The following SETBP1 variants were observed in gnomAD, a reference collection of about 807,000 sequenced individuals.
SETBP1 encodes SET-binding protein.
In SETBP1, 9 loss-of-function variants were observed where a neutral mutation model predicts 101.0. The ratio of observed to expected loss-of-function variants is 0.09; its 90% CI spans 0.05 to 0.16. SETBP1 has a LOEUF of 0.16. Among genes scored for constraint, SETBP1 ranks in the 10% least tolerant of loss-of-function variants. The probability of loss-of-function intolerance (pLI) is 1.00; values close to 1 mark genes in which losing one functional copy is unlikely to be tolerated. For missense variants in SETBP1, 1,858 were observed against 2,033.8 expected (o/e 0.91, Z 1.66); for synonymous variants, 818 against 788.5 (o/e 1.04, Z -0.63).
Position 44,896,153 on chromosome 18 carries a change from G to T in SETBP1, c.540+26870G>T, listed in dbSNP as rs2069897840. ...TACCCCTGACAGGTGGGCTGAAAGG[G>T]GTGGTATTGGGAGATGATTAGGGGC... On this transcript the variant is annotated intron_variant, in intron 3 of 5. Coordinates refer to ENST00000649279, the MANE Select transcript of SETBP1 (RefSeq NM_015559.3). Among the ~76,000 whole-genome samples the T allele has an allele frequency of 2.0e-5, 3 of 152,224 alleles. 1 individual carries two copies. The South Asian group carries it at 6.2e-4, about 32-fold the overall frequency.
chr18:44,788,615 G>T (rs1465438949), intron 2 of SETBP1, among the ~76,000 whole-genome samples: 3 of 151,990 alleles, frequency 2.0e-5, no homozygotes, highest in Non-Finnish European at 2.9e-5. Context: ...TTATGGTGTT[G>T]TTTATTCTGT....
chr18:44,783,612 G>A (rs1021168520), intron 2 of SETBP1, among the ~76,000 whole-genome samples: 1 of 152,188 alleles, frequency 6.6e-6, no homozygotes, highest in African/African-American at 2.4e-5. Context: ...AAAAACAAAT[G>A]ACAAGGGTAA....
intron 3 of SETBP1, among the ~76,000 whole-genome samples, chr18:44,876,041 A>G (rs2069395424): frequency 6.6e-6 from 1 of 152,180 alleles, no homozygotes; most frequent in Non-Finnish European, 1.5e-5. Context: ...CAATTTCTTT[A>G]TCTGAGTAAT....
chr18:44,762,837 C>A (rs2070686320), intron 2 of SETBP1, among the ~76,000 whole-genome samples: 1 of 152,216 alleles, frequency 6.6e-6, no homozygotes, highest in South Asian at 2.1e-4. Context: ...CAACTATTGA[C>A]TTGCTTTTAG....
At chr18:44,928,459 A>T (rs986573571) in intron 3 of SETBP1, among the ~76,000 whole-genome samples, 5 of 152,292 alleles carry the variant, frequency 3.3e-5, no homozygotes, top group African/African-American at 1.2e-4. Context: ...ATGGGATGGC[A>T]AGGTCAAATG....
At chr18:44,777,286 A>G (rs1200566444) in intron 2 of SETBP1, among the ~76,000 whole-genome samples, 1 of 152,130 alleles carries the variant, frequency 6.6e-6, no homozygotes, top group African/African-American at 2.4e-5. Context: ...ACTCCATCTC[A>G]AAAAAATAAA....
intron 1 of SETBP1, among the ~76,000 whole-genome samples, chr18:44,699,910 C>T (rs1336893568): frequency 6.6e-6 from 1 of 152,170 alleles, no homozygotes; most frequent in Non-Finnish European, 1.5e-5. Context: ...TATGTCTTTG[C>T]AGGCATCGTT....
intron 2 of SETBP1, among the ~76,000 whole-genome samples, chr18:44,764,963 A>C (rs1274400089): frequency 6.6e-6 from 1 of 152,172 alleles, no homozygotes; most frequent in East Asian, 1.9e-4. Context: ...CATGTTCAAC[A>C]AATATTTGTA....
At chr18:44,693,962 A>C (rs971873993) in intron 1 of SETBP1, among the ~76,000 whole-genome samples, 1 of 152,190 alleles carries the variant, frequency 6.6e-6, no homozygotes, top group Non-Finnish European at 1.5e-5. Context: ...GAGGAGTGGA[A>C]GAAGGGCATT....
chr18:44,761,050 A>G (rs1472884577), intron 2 of SETBP1, among the ~76,000 whole-genome samples: 1 of 152,240 alleles, frequency 6.6e-6, no homozygotes, highest in Non-Finnish European at 1.5e-5. Context: ...TAGAACTTTT[A>G]CATTGAGGTC....
intron 2 of SETBP1, among the ~76,000 whole-genome samples, chr18:44,818,745 G>A (rs554007881): frequency 4.3e-4 from 47 of 108,150 alleles, no homozygotes; most frequent in African/African-American, 1.1e-3. Context: ...GAAAAGACAC[G>A]CACACACTCA....
At chr18:44,746,352 C>G (rs921934988) in intron 2 of SETBP1, among the ~76,000 whole-genome samples, 1 of 152,170 alleles carries the variant, frequency 6.6e-6, no homozygotes, top group Non-Finnish European at 1.5e-5. Flanking sequence ...ACATAATAAG[C>G]ACTCAATAAG....
intron 4 of SETBP1, among the ~76,000 whole-genome samples, chr18:45,036,765 G>A (rs1366903135): frequency 6.6e-6 from 1 of 152,204 alleles, no homozygotes; most frequent in Non-Finnish European, 1.5e-5. Flanking sequence ...GGTAGTTACA[G>A]ATGCCTTATC....
intron 5 of SETBP1, among the ~76,000 whole-genome samples, chr18:45,049,591 C>T (rs968441705): frequency 3.9e-5 from 6 of 152,202 alleles, no homozygotes; most frequent in Admixed American, 2.0e-4. Context: ...AAATTTTCCC[C>T]ATTAAATGTG....
rs531272221 is a variant in SETBP1, at chr18:44,688,642, C to T, written c.-173+7621C>T. Among the ~76,000 whole-genome samples the T allele has an allele frequency of 2.4e-4, 37 of 152,094 alleles. 1 individual carries two copies. The highest frequency in any genetic ancestry group is 3.4e-3 in the Middle Eastern group (1 of 294). On this transcript the variant is annotated intron_variant, in intron 1 of 5. Coordinates refer to ENST00000649279, the MANE Select transcript of SETBP1 (RefSeq NM_015559.3). Reference sequence around the variant, plus strand: ...TAATTTTTTATATTTGTTGTAGAGACGGGGTTTCACCATGTTGGCCTGGCT... The same window carrying T: ...TAATTTTTTATATTTGTTGTAGAGATGGGGTTTCACCATGTTGGCCTGGCT...
chr18:44,874,042 T>A (rs2069340860), intron 3 of SETBP1, among the ~76,000 whole-genome samples: 1 of 152,204 alleles, frequency 6.6e-6, no homozygotes, highest in African/African-American at 2.4e-5. Flanking sequence ...CTTCCACAAT[T>A]GTTACCATTT....
In SETBP1 at chr18:44,725,944, G is replaced by A. The variant is rs535913669; in HGVS notation, c.486+24112G>A. ...GGTGTAGGGTGGTAATAGTGGCCAG[G>A]GGTGGGGAGGGAGGCATGAGAAGCT... On this transcript the variant is annotated intron_variant, in intron 2 of 5. Coordinates refer to ENST00000649279, the MANE Select transcript of SETBP1 (RefSeq NM_015559.3). 1.4e-4 allele frequency among the ~76,000 whole-genome samples: 21 copies of A among 152,154 alleles called. 1 individual carries two copies. Among genetic ancestry groups the A allele is most frequent in the Non-Finnish European group, 2.2e-4 (15 of 68,030 alleles).
At position 45,038,619 on chromosome 18, in the gene SETBP1, T is replaced by C; in HGVS notation, c.4135T>C (p.Ser1379Pro). The change falls in exon 5 of 6, where the codon TCT becomes CCT. Residue 1379 changes from serine (S) to proline (P), a missense_variant. By Grantham distance (74) the Ser-to-Pro change is moderately conservative. Around this residue, in one of 12 missense-constraint regions of SETBP1, gnomAD observed 417 missense variants for 389.1 expected, o/e 1.07. Coordinates refer to ENST00000649279, the MANE Select transcript of SETBP1 (RefSeq NM_015559.3). ...SVTIPPAPVL[S>P]LLAASAATSD... ...TACAATTCCACCAGCCCCAGTGTTA[T>C]CTCTCCTTGCTGCATCTGCAGCAAC... 1 of 1,614,190 alleles carries C rather than the reference T, an allele frequency of 6.2e-7. No homozygotes were observed. The highest frequency in any genetic ancestry group is 8.5e-7 in the Non-Finnish European group (1 of 1,180,030).
chr18:44,811,702 G>C (rs1381042944), intron 2 of SETBP1, among the ~76,000 whole-genome samples: 8 of 152,206 alleles, frequency 5.3e-5, no homozygotes, highest in Non-Finnish European at 1.2e-4. Context: ...GTCAACATCT[G>C]CCTTTCTTCC....
Sources: gnomAD v4.1 joint callset for allele counts (sites outside exome capture counted in the v4.1 genomes callset) on GRCh38, gnomAD v4.1.1 for gene constraint, gnomAD v4.1.1 regional missense constraint, MANE v1.5 for transcripts, NCBI Gene and HGNC (gene_info 2026-07-23, HGNC 2026-07-21) for gene names.